UNC13C: variants seen among roughly 807,000 people sequenced by gnomAD.
The protein encoded by UNC13C is unc-13 homolog C, also known as protein unc-13 homolog C.
Under a neutral mutation model 245.4 loss-of-function variants are expected in UNC13C, and 174 were observed. The ratio of observed to expected loss-of-function variants is 0.71; its 90% CI spans 0.63 to 0.80. The LOEUF is 0.80. UNC13C is among the 30% of genes least tolerant of loss of function. UNC13C has a pLI of 0.00. For synonymous variants in UNC13C, 992 were observed against 895.1 expected (o/e 1.11, Z -1.93); for missense variants, 2,829 against 2,602.9 (o/e 1.09, Z -1.89).
Position 54,627,112 on chromosome 15 carries a change from G to GAAAC in UNC13C, c.*5_*8dup, listed in dbSNP as rs762707174. On this transcript the variant is annotated frameshift_variant and stop_retained_variant, in exon 33 of 33. Coordinates refer to ENST00000260323, the MANE Select transcript of UNC13C (RefSeq NM_001080534.3). LOFTEE classifies it high-confidence loss of function. ...ACAAGATCTACTGAAGAGAGTGCTT[G>GAAAC]AAACAAACACTGCAAGCTAAATACA... is the stretch of plus-strand genomic sequence containing the variant. The GAAAC allele has an allele frequency of 3.0e-4, 487 of 1,606,240 alleles. 1 individual carries two copies. The highest frequency in any genetic ancestry group is 6.7e-4 in the Middle Eastern group (4 of 6,002).
At chr15:53,864,250 A>G in the UNC13C span, among the ~76,000 whole-genome samples, 35 of 152,198 alleles carry the variant, frequency 2.3e-4, no homozygotes, top group Admixed American at 7.2e-4. Context: ...ATATGTCCAT[A>G]AGCAATATTA....
chr15:54,288,334 C>T (rs890469083), intron 10 of UNC13C, among the ~76,000 whole-genome samples: 1 of 152,040 alleles, frequency 6.6e-6, no homozygotes, highest in Non-Finnish European at 1.5e-5. Flanking sequence ...TTATCAGTGC[C>T]TACACTCAAG....
At chr15:54,142,605 A>G (rs1347056408) in intron 2 of UNC13C, among the ~76,000 whole-genome samples, 1 of 152,126 alleles carries the variant, frequency 6.6e-6, no homozygotes, top group Non-Finnish European at 1.5e-5. Context: ...TCTATCAACA[A>G]TGTTGCGAGG....
At chr15:54,590,016 A>G (rs1566926880) in intron 30 of UNC13C, among the ~76,000 whole-genome samples, 1 of 152,298 alleles carries the variant, frequency 6.6e-6, no homozygotes, top group East Asian at 1.9e-4. Flanking sequence ...TGGCTAGCCA[A>G]TTATCCCAGC....
rs1054033284 is a variant in UNC13C, at chr15:54,627,495, T to C, written c.*382T>C. The C allele has an allele frequency of 1.2e-5, 2 of 161,016 alleles. No homozygotes were observed. The highest frequency in any genetic ancestry group is 4.8e-5 in the African/African-American group (2 of 41,722). The allele number at this position is 161,016 out of a possible 1,614,324, so 10.0% of individuals were successfully genotyped here. On this transcript the variant is annotated 3_prime_UTR_variant, in exon 33 of 33. Transcript: ENST00000260323. ...GAAAACATTTATTACTCAATTTCCA[T>C]TTTATTTACTTACCTCATTATAGAT...
the UNC13C span, among the ~76,000 whole-genome samples, chr15:53,908,572 T>TACAAACAAACAA: frequency 7.0e-6 from 1 of 142,842 alleles, no homozygotes; most frequent in African/African-American, 2.6e-5. Context: ...ACCTTGTCTC[T>TACAAACAAACAA]ACAAACAAAC....
the UNC13C span, among the ~76,000 whole-genome samples, chr15:53,942,566 GAAAA>G: frequency 7.9e-6 from 1 of 126,762 alleles, no homozygotes; most frequent in African/African-American, 2.9e-5. Context: ...AATAAAAATT[GAAAA>G]AAAAAAAAAG....
intron 17 of UNC13C, among the ~76,000 whole-genome samples, chr15:54,389,310 A>C (rs1028238437): frequency 1.3e-5 from 2 of 152,194 alleles, no homozygotes; most frequent in African/African-American, 2.4e-5. Context: ...CTGGAGCAGA[A>C]GCACCAGCAT....
intron 30 of UNC13C, among the ~76,000 whole-genome samples, chr15:54,581,509 C>T (rs1036935048): frequency 6.6e-6 from 1 of 152,232 alleles, no homozygotes; most frequent in Non-Finnish European, 1.5e-5. Flanking sequence ...CTTGCTGTGT[C>T]TTCACATGGC....
chr15:54,422,129 T>C (rs1052306640), intron 19 of UNC13C, among the ~76,000 whole-genome samples: 2 of 152,054 alleles, frequency 1.3e-5, no homozygotes, highest in African/African-American at 2.4e-5. Flanking sequence ...TATGTTACCA[T>C]TTGTGGATTA....
intron 30 of UNC13C, among the ~76,000 whole-genome samples, chr15:54,576,971 T>A (rs1241377519): frequency 6.6e-6 from 1 of 152,226 alleles, no homozygotes; most frequent in East Asian, 1.9e-4. Flanking sequence ...TAATATAACA[T>A]AGTTCTCATA....
At chr15:54,343,895 A>T in intron 17 of UNC13C, among the ~76,000 whole-genome samples, 1 of 152,134 alleles carries the variant, frequency 6.6e-6, no homozygotes, top group East Asian at 1.9e-4. Flanking sequence ...ATTTGGGGTA[A>T]GGGGGGGTCC....
intron 27 of UNC13C, 68 bp from the exon 28 acceptor site, chr15:54,549,567 C>A: frequency 8.7e-7 from 1 of 1,153,150 alleles, no homozygotes; most frequent in Non-Finnish European, 1.2e-6. Context: ...CTGTTGACTG[C>A]ATTTCTATTG....
At chr15:53,952,026 G>A in the UNC13C span, among the ~76,000 whole-genome samples, 5 of 152,128 alleles carry the variant, frequency 3.3e-5, no homozygotes, top group African/African-American at 9.7e-5. Context: ...CCTATACTGC[G>A]TTGGTTTATG....
chr15:53,956,870 G>C, the UNC13C span, among the ~76,000 whole-genome samples: 1 of 136,156 alleles, frequency 7.3e-6, no homozygotes, highest in Middle Eastern at 3.5e-3. Context: ...GTAAAGTTAA[G>C]CTCAAGTGTG....
At chr15:54,320,734 C>G (rs1290770322) in intron 13 of UNC13C, 1 of 381,948 alleles carries the variant, frequency 2.6e-6, no homozygotes, top group African/African-American at 2.1e-5. Context: ...TTAAGATCTT[C>G]TGCCACTGCC....
At chr15:54,096,898 T>C (rs1041939749) in intron 2 of UNC13C, among the ~76,000 whole-genome samples, 2 of 152,238 alleles carry the variant, frequency 1.3e-5, no homozygotes, top group African/African-American at 4.8e-5. Flanking sequence ...ATAACAATTA[T>C]AGCTATTTTA....
chr15:54,106,066 T>C (rs566233730), intron 2 of UNC13C, among the ~76,000 whole-genome samples: 42 of 152,336 alleles, frequency 2.8e-4, no homozygotes, highest in Non-Finnish European at 4.7e-4. Flanking sequence ...TTCAGTGAAG[T>C]AGTTGTAGTG....
the UNC13C span, among the ~76,000 whole-genome samples, chr15:53,838,902 T>C: frequency 4.6e-5 from 7 of 152,072 alleles, no homozygotes; most frequent in Admixed American, 3.3e-4. Context: ...TTAAGGTATA[T>C]TCAGACATTT....
Sources: gnomAD v4.1 joint callset for allele counts (sites outside exome capture counted in the v4.1 genomes callset) on GRCh38, gnomAD v4.1.1 for gene constraint, MANE v1.5 for transcripts, NCBI Gene and HGNC (gene_info 2026-07-23, HGNC 2026-07-21) for gene names.